The following CALN1 variants were observed in gnomAD, a reference collection of about 807,000 sequenced individuals.
CALN1 encodes calneuron 1.
A neutral mutation model predicts 30.6 loss-of-function variants in CALN1; 17 were observed. That is an observed-to-expected ratio of 0.56 (90% CI 0.38 to 0.83). The LOEUF (loss-of-function observed/expected upper bound fraction) is 0.83. Ranked by LOEUF, CALN1 falls within the 40% of genes least tolerant of loss-of-function variation. CALN1 has a pLI of 0.00. For missense variants in CALN1, 291 were observed against 354.9 expected (o/e 0.82, Z 1.45); for synonymous variants, 156 against 131.4 (o/e 1.19, Z -1.28).
At chr7:71,867,539 A>G (rs550212843) in intron 5 of CALN1, among the ~76,000 whole-genome samples, 1 of 152,034 alleles carries the variant, frequency 6.6e-6, no homozygotes, top group African/African-American at 2.4e-5. Context: ...GATTCAAGTG[A>G]TTCTCCTGTC....
intron 5 of CALN1, among the ~76,000 whole-genome samples, chr7:71,880,396 G>A (rs1210270117): frequency 1.3e-5 from 2 of 152,084 alleles, no homozygotes; most frequent in African/African-American, 4.8e-5. Flanking sequence ...CTTGCTCTCT[G>A]TGGCTGTGTG....
At chr7:72,044,949 T>C (rs368561628) in intron 4 of CALN1, among the ~76,000 whole-genome samples, 5 of 152,150 alleles carry the variant, frequency 3.3e-5, no homozygotes, top group Admixed American at 6.5e-5. Flanking sequence ...CTGAAATATG[T>C]TAGGCATTTT....
chr7:72,169,185 G>A (rs187154333), intron 3 of CALN1, among the ~76,000 whole-genome samples: 80 of 151,792 alleles, frequency 5.3e-4, no homozygotes, highest in Non-Finnish European at 1.2e-4. Flanking sequence ...TTGAATGAAG[G>A]ACCAGAACTC....
At chr7:72,295,426 G>A (rs1170740149) in intron 2 of CALN1, among the ~76,000 whole-genome samples, 2 of 152,012 alleles carry the variant, frequency 1.3e-5, no homozygotes, top group Non-Finnish European at 2.9e-5. Context: ...TGATGGGGAT[G>A]GCATTGAATC....
At chr7:72,435,660 A>G (rs1300622634) in intron 1 of CALN1, among the ~76,000 whole-genome samples, 1 of 152,216 alleles carries the variant, frequency 6.6e-6, no homozygotes, top group Non-Finnish European at 1.5e-5. Flanking sequence ...GGAGAATTCC[A>G]GGAGCCAACC....
chr7:72,375,580 A>G (rs1804507317), intron 2 of CALN1, among the ~76,000 whole-genome samples: 1 of 151,384 alleles, frequency 6.6e-6, no homozygotes, highest in Admixed American at 6.6e-5. Flanking sequence ...AAAAAAAAAA[A>G]AAGAAAAGGA....
At chr7:72,211,940 CTG>C (rs1301438991) in intron 3 of CALN1, among the ~76,000 whole-genome samples, 2 of 152,210 alleles carry the variant, frequency 1.3e-5, no homozygotes, top group African/African-American at 4.8e-5. Flanking sequence ...GCACAATAAA[CTG>C]TTTCATGTAA....
Position 72,083,261 on chromosome 7 carries a change from A to G in CALN1, c.388+22890T>C, listed in dbSNP as rs1805271328. 2.0e-5 allele frequency among the ~76,000 whole-genome samples: 3 copies of G among 152,226 alleles called. No homozygotes were observed. The South Asian group carries it at 6.2e-4, about 32-fold the overall frequency. ...GAGAAAATTTCACAGAAGCAGACTT[A>G]AAAGATGGTCCAGATGTTGTAAGGA... On this transcript the variant is annotated intron_variant, in intron 4 of 6. Transcript: ENST00000395275.
intron 5 of CALN1, among the ~76,000 whole-genome samples, chr7:71,929,969 CT>C (rs1185693377): frequency 6.6e-6 from 1 of 152,158 alleles, no homozygotes; most frequent in Non-Finnish European, 1.5e-5. Context: ...GCTCAAGCAT[CT>C]TATATAAAAT....
At chr7:72,318,111 C>T (rs1418685985) in intron 2 of CALN1, among the ~76,000 whole-genome samples, 1 of 152,160 alleles carries the variant, frequency 6.6e-6, no homozygotes, top group East Asian at 1.9e-4. Context: ...CACTCAAATT[C>T]ATAAGGGGCA....
upstream of CALN1, among the ~76,000 whole-genome samples, chr7:72,447,671 C>T (rs1808569384): frequency 6.6e-6 from 1 of 151,514 alleles, no homozygotes; most frequent in African/African-American, 2.4e-5. Flanking sequence ...CTGCCATGCA[C>T]ACACCCATGC....
At chr7:72,202,370 G>C (rs921050304) in intron 3 of CALN1, among the ~76,000 whole-genome samples, 1 of 151,890 alleles carries the variant, frequency 6.6e-6, no homozygotes, top group Non-Finnish European at 1.5e-5. Context: ...GAATAGAGTA[G>C]AACAAAAACA....
intron 6 of CALN1, among the ~76,000 whole-genome samples, chr7:71,790,346 GA>G (rs1554337001): frequency 0.035 from 3,238 of 93,562 alleles, 151 homozygotes; most frequent in African/African-American, 0.12. Context: ...AAGAAAGAAA[GA>G]AAAGAAAGAA....
intron 5 of CALN1, among the ~76,000 whole-genome samples, chr7:71,837,241 G>GAAAAA (rs1789668654): frequency 6.9e-4 from 2 of 2,884 alleles, no homozygotes; most frequent in Non-Finnish European, 1.3e-3. Context: ...CAAAAAAAAA[G>GAAAAA]ACAAAAAAAA....
chr7:72,438,433 T>G (rs1808244566), intron 1 of CALN1, among the ~76,000 whole-genome samples: 1 of 152,156 alleles, frequency 6.6e-6, no homozygotes. Context: ...TGCCTGTATT[T>G]CTTGACTCCC....
Position 71,798,123 on chromosome 7 carries a change from CAGAGAGAGAGAGAGAGAG to C in CALN1, c.659-10239_659-10222del, listed in dbSNP as rs3973907. Among the ~76,000 whole-genome samples the C allele has an allele frequency of 6.1e-3, 431 of 71,058 alleles. 5 individuals are homozygous for C. Among genetic ancestry groups the C allele is most frequent in the African/African-American group, 0.025 (379 of 15,366 alleles). The allele number at this position is 71,058 out of a possible 152,430, so 46.6% of individuals were successfully genotyped here. A position where few individuals can be genotyped will look rare whatever the true frequency, so the allele number is the denominator to read the frequency against. On this transcript the variant is annotated intron_variant, in intron 6 of 6. Coordinates refer to ENST00000395275, the MANE Select transcript of CALN1 (RefSeq NM_031468.4). ...AGACAGAGAGAGACAGAGACAGAGA[CAGAGAGAGAGAGAGAGAG>C]AGAGAGAGAGAGAGAGAGAGAGAGA...
chr7:71,832,604 T>C (rs1789355270), intron 5 of CALN1, among the ~76,000 whole-genome samples: 1 of 151,992 alleles, frequency 6.6e-6, no homozygotes, highest in South Asian at 2.1e-4. Context: ...TCCTAAGTGT[T>C]TCCTTTTTTG....
At chr7:72,448,533 C>G (rs1480091364), upstream of CALN1, among the ~76,000 whole-genome samples, 2 of 152,092 alleles carry the variant, frequency 1.3e-5, no homozygotes, top group African/African-American at 2.4e-5. Flanking sequence ...CACAATAGCT[C>G]ATTGCACTTG....
chr7:72,125,752 G>A (rs1009884055), intron 3 of CALN1, among the ~76,000 whole-genome samples: 3 of 148,150 alleles, frequency 2.0e-5, no homozygotes, highest in Admixed American at 6.8e-5. Flanking sequence ...TACCCCTGCC[G>A]CCCCCACCTT....
Sources: gnomAD v4.1 joint callset for allele counts (sites outside exome capture counted in the v4.1 genomes callset) on GRCh38, gnomAD v4.1.1 for gene constraint, MANE v1.5 for transcripts, NCBI Gene and HGNC (gene_info 2026-07-23, HGNC 2026-07-21) for gene names.